Variants in PDZRN4 observed in about 807,000 individuals in gnomAD.
PDZRN4 encodes PDZ domain containing ring finger 4.
Under a neutral mutation model 99.0 loss-of-function variants are expected in PDZRN4, and 70 were observed. That is an observed-to-expected ratio of 0.71 (90% CI 0.58 to 0.86). The LOEUF (loss-of-function observed/expected upper bound fraction) is 0.86, where lower values mean the gene tolerates loss of function less well. Ranked by LOEUF, PDZRN4 falls within the 40% of genes least tolerant of loss-of-function variation. PDZRN4 has a pLI of 0.00. For missense variants in PDZRN4, 1,474 were observed against 1,331.2 expected (o/e 1.11, Z -1.67); for synonymous variants, 551 against 501.6 (o/e 1.10, Z -1.32).
chr12:41,416,673 T>C (rs1001880469), intron 3 of PDZRN4, among the ~76,000 whole-genome samples: 1 of 151,972 alleles, frequency 6.6e-6, no homozygotes, highest in Non-Finnish European at 1.5e-5. Flanking sequence ...AAAAAGAAAA[T>C]GGTCTTTTAC....
At chr12:41,398,684 T>C (rs1952267604) in intron 3 of PDZRN4, among the ~76,000 whole-genome samples, 1 of 152,194 alleles carries the variant, frequency 6.6e-6, no homozygotes, top group Admixed American at 6.6e-5. Context: ...CTTTAATTTA[T>C]ATCACAACTG....
At chr12:41,523,719 A>T (rs1938528016) in intron 5 of PDZRN4, among the ~76,000 whole-genome samples, 1 of 152,128 alleles carries the variant, frequency 6.6e-6, no homozygotes, top group African/African-American at 2.4e-5. Flanking sequence ...CCAGTATGGG[A>T]CAAGTACAGA....
intron 4 of PDZRN4, 126 bp downstream of exon 4, chr12:41,506,838 GA>G: frequency 9.8e-7 from 1 of 1,023,652 alleles, no homozygotes; most frequent in Non-Finnish European, 1.4e-6. Flanking sequence ...GCTCCGTTTG[GA>G]AAATGTCTCC....
chr12:41,562,318 GA>G (rs1326541131), intron 7 of PDZRN4, among the ~76,000 whole-genome samples: 1 of 152,098 alleles, frequency 6.6e-6, no homozygotes, highest in Non-Finnish European at 1.5e-5. Flanking sequence ...CTTGTTTTCA[GA>G]TAATTATGTC....
chr12:41,314,543 C>A (rs1951626743), intron 3 of PDZRN4, among the ~76,000 whole-genome samples: 1 of 152,122 alleles, frequency 6.6e-6, no homozygotes, highest in Non-Finnish European at 1.5e-5. Flanking sequence ...AAAGAGGCTG[C>A]ATTTTAACTG....
chr12:41,557,486 C>T (rs1279375051), intron 7 of PDZRN4, among the ~76,000 whole-genome samples: 2 of 152,164 alleles, frequency 1.3e-5, no homozygotes, highest in Non-Finnish European at 2.9e-5. Flanking sequence ...CACACCATCT[C>T]TGTTTAGGAA....
chr12:41,294,943 A>G (rs781731978), intron 3 of PDZRN4, among the ~76,000 whole-genome samples: 24 of 152,188 alleles, frequency 1.6e-4, no homozygotes, highest in Non-Finnish European at 3.1e-4. Flanking sequence ...GAATAGAGAC[A>G]TGAATCTTCT....
At chr12:41,526,619 A>G (rs1302860376) in intron 5 of PDZRN4, among the ~76,000 whole-genome samples, 1 of 152,206 alleles carries the variant, frequency 6.6e-6, no homozygotes, top group Non-Finnish European at 1.5e-5. Context: ...TATTTATAAA[A>G]TACTTGTTTT....
intron 3 of PDZRN4, among the ~76,000 whole-genome samples, chr12:41,308,250 T>A (rs1951584725): frequency 6.6e-6 from 1 of 152,092 alleles, no homozygotes; most frequent in Non-Finnish European, 1.5e-5. Flanking sequence ...ATGGAAAAGG[T>A]AAAAGCATTA....
At chr12:41,197,919 G>GTTTTGTTTTGTTTT (rs764851464) in intron 3 of PDZRN4, among the ~76,000 whole-genome samples, 2 of 113,464 alleles carry the variant, frequency 1.8e-5, no homozygotes, top group East Asian at 2.7e-4. Context: ...GTTTTTTCTG[G>GTTTTGTTTTGTTTT]GTTTTTTTTT....
At chr12:41,421,404 G>C (rs911602642) in intron 3 of PDZRN4, among the ~76,000 whole-genome samples, 4 of 152,076 alleles carry the variant, frequency 2.6e-5, no homozygotes, top group Non-Finnish European at 5.9e-5. Context: ...TGTTGGACAG[G>C]CTGGTCTCAA....
At chr12:41,355,279 C>T (rs780534589) in intron 3 of PDZRN4, among the ~76,000 whole-genome samples, 2 of 151,996 alleles carry the variant, frequency 1.3e-5, no homozygotes, top group Non-Finnish European at 2.9e-5. Flanking sequence ...TAAAGGTCAT[C>T]GTTCATATTC....
At chr12:41,532,141 A>G (rs1168823485) in intron 5 of PDZRN4, among the ~76,000 whole-genome samples, 1 of 152,162 alleles carries the variant, frequency 6.6e-6, no homozygotes, top group African/African-American at 2.4e-5. Context: ...TTTTTCTGAT[A>G]TGTACAACAT....
intron 3 of PDZRN4, among the ~76,000 whole-genome samples, chr12:41,454,177 G>T (rs1952799387): frequency 1.3e-5 from 2 of 151,950 alleles, no homozygotes; most frequent in Admixed American, 1.3e-4. Flanking sequence ...GGTTTTTCTT[G>T]GATCTATTGA....
In PDZRN4 at chr12:41,555,732, G is replaced by A. The variant is rs138596022; in HGVS notation, c.1337G>A (p.Arg446Gln). Reference sequence around the variant, plus strand: ...AATAGCATTGCTGCCAAAGACGGCCGGATTCGAGAAGGGGATCGGATTTTG... The same window carrying A: ...AATAGCATTGCTGCCAAAGACGGCCAGATTCGAGAAGGGGATCGGATTTTG... ...DPNSIAAKDG[R>Q]IREGDRILQI... is the part of the protein sequence containing the mutation. The change falls in exon 7 of 10, where the codon CGG (arginine) becomes CAG (glutamine). Residue 446 changes from arginine (R) to glutamine (Q), a missense_variant. Physicochemically the swap from Arg to Gln is conservative, Grantham distance 43 (BLOSUM62 1). Transcript: ENST00000402685. The A allele has an allele frequency of 2.0e-4, 319 of 1,613,902 alleles. No homozygotes were observed. Among genetic ancestry groups the A allele is most frequent in the Admixed American group, 2.3e-4 (14 of 60,012 alleles).
intron 3 of PDZRN4, among the ~76,000 whole-genome samples, chr12:41,228,468 G>C (rs962265499): frequency 5.9e-5 from 9 of 151,820 alleles, no homozygotes; most frequent in African/African-American, 2.2e-4. Context: ...ATTTAACTTG[G>C]ATATAATAGG....
chr12:41,249,319 T>C (rs1422880469), intron 3 of PDZRN4, among the ~76,000 whole-genome samples: 2 of 152,202 alleles, frequency 1.3e-5, no homozygotes, highest in Non-Finnish European at 2.9e-5. Context: ...CATGAAGATG[T>C]ATCTTGTCAC....
intron 3 of PDZRN4, among the ~76,000 whole-genome samples, chr12:41,395,597 T>C (rs945212600): frequency 6.6e-6 from 1 of 152,222 alleles, no homozygotes; most frequent in Admixed American, 6.5e-5. Flanking sequence ...AAGCTAATAA[T>C]GTGTATACAT....
At chr12:41,262,266 G>A (rs943344675) in intron 3 of PDZRN4, among the ~76,000 whole-genome samples, 1 of 152,196 alleles carries the variant, frequency 6.6e-6, no homozygotes, top group African/African-American at 2.4e-5. Flanking sequence ...ACCACAATCT[G>A]TCTACGGCCA....
Sources: allele counts gnomAD v4.1 joint callset (sites outside exome capture counted in the v4.1 genomes callset), GRCh38; gene constraint gnomAD v4.1.1; transcripts MANE v1.5; gene names NCBI Gene and HGNC (gene_info 2026-07-23, HGNC 2026-07-21).